EPB41L3: variants seen among roughly 807,000 people sequenced by gnomAD.
The protein encoded by EPB41L3 is band 4.1-like protein 3.
Under a neutral mutation model 127.1 loss-of-function variants are expected in EPB41L3, and 57 were observed. The observed-to-expected ratio is 0.45, with a 90% CI of 0.36 to 0.56. The LOEUF (loss-of-function observed/expected upper bound fraction) is 0.56. Ranked by LOEUF, EPB41L3 falls within the 20% of genes least tolerant of loss-of-function variation. The probability of loss-of-function intolerance (pLI) is 0.00; values close to 1 mark genes in which losing one functional copy is unlikely to be tolerated. For missense variants in EPB41L3, 1,273 were observed against 1,372.2 expected (o/e 0.93, Z 1.14); for synonymous variants, 572 against 549.5 (o/e 1.04, Z -0.57).
intron 12 of EPB41L3, among the ~76,000 whole-genome samples, chr18:5,417,814 A>T (rs959829564): frequency 6.6e-6 from 1 of 152,190 alleles, no homozygotes; most frequent in Non-Finnish European, 1.5e-5. Context: ...CACTTTAAAC[A>T]GGAACCTGCA....
intron 1 of EPB41L3, among the ~76,000 whole-genome samples, chr18:5,505,062 T>A (rs1206411126): frequency 6.6e-6 from 1 of 152,182 alleles, no homozygotes; most frequent in Non-Finnish European, 1.5e-5. Flanking sequence ...AACGGTCTCC[T>A]CCATCCAGTG....
intron 3 of EPB41L3, among the ~76,000 whole-genome samples, chr18:5,585,044 T>C (rs1239205740): frequency 2.0e-5 from 3 of 152,202 alleles, no homozygotes; most frequent in South Asian, 2.1e-4. Flanking sequence ...TCAGGAATTG[T>C]CTGATACTTT....
chr18:5,403,472 T>C (rs1427578947), intron 16 of EPB41L3, among the ~76,000 whole-genome samples: 1 of 151,608 alleles, frequency 6.6e-6, no homozygotes, highest in Admixed American at 6.6e-5. Flanking sequence ...TTTATAGAAA[T>C]AATTATTATA....
At chr18:5,604,081 A>G (rs1487423795) in intron 3 of EPB41L3, among the ~76,000 whole-genome samples, 4 of 152,098 alleles carry the variant, frequency 2.6e-5, no homozygotes, top group Non-Finnish European at 5.9e-5. Flanking sequence ...ACACATACAC[A>G]TAAATACACA....
At chr18:5,544,046 C>G (rs1254953255), upstream of EPB41L3, 15 of 985,466 alleles carry the variant, frequency 1.5e-5, no homozygotes, top group Non-Finnish European at 1.8e-5. Flanking sequence ...GCTGTTCCCC[C>G]CGCCCCCTGT....
At chr18:5,523,551 G>C (rs1366147076) in intron 1 of EPB41L3, among the ~76,000 whole-genome samples, 2 of 151,982 alleles carry the variant, frequency 1.3e-5, no homozygotes, top group Non-Finnish European at 2.9e-5. Flanking sequence ...GTTATCCCAG[G>C]ACTTTGGGAA....
intron 10 of EPB41L3, 103 bp from the exon 11 acceptor site, chr18:5,423,656 C>T: frequency 9.8e-7 from 1 of 1,015,956 alleles, no homozygotes; most frequent in Non-Finnish European, 1.4e-6. Context: ...GCATGCTAAA[C>T]ATTTAACGCA....
At chr18:5,620,403 G>C (rs1045257485) in intron 1 of EPB41L3, among the ~76,000 whole-genome samples, 4 of 152,162 alleles carry the variant, frequency 2.6e-5, no homozygotes, top group Non-Finnish European at 5.9e-5. Context: ...ATCTATTAAA[G>C]TACCAGACAC....
At chr18:5,572,774 A>G (rs2094297057) in intron 3 of EPB41L3, among the ~76,000 whole-genome samples, 1 of 152,002 alleles carries the variant, frequency 6.6e-6, no homozygotes, top group Non-Finnish European at 1.5e-5. Flanking sequence ...GGGTCTTGCT[A>G]TGTTGCCCAG....
At chr18:5,510,923 AG>A (rs1442063167) in intron 1 of EPB41L3, among the ~76,000 whole-genome samples, 1 of 152,176 alleles carries the variant, frequency 6.6e-6, no homozygotes, top group African/African-American at 2.4e-5. Flanking sequence ...GGAATAAAGG[AG>A]GAATAAAAAT....
At chr18:5,450,049 G>A (rs2082073804) in intron 3 of EPB41L3, among the ~76,000 whole-genome samples, 1 of 152,090 alleles carries the variant, frequency 6.6e-6, no homozygotes, top group African/African-American at 2.4e-5. Context: ...GTGAAACCGT[G>A]GAAAACAGAA....
intron 2 of EPB41L3, among the ~76,000 whole-genome samples, chr18:5,614,040 C>A (rs2094762391): frequency 6.6e-6 from 1 of 152,102 alleles, no homozygotes; most frequent in Non-Finnish European, 1.5e-5. Flanking sequence ...AACTAATAAT[C>A]TAGAACACAC....
At chr18:5,475,039 A>G (rs1568339105) in intron 3 of EPB41L3, among the ~76,000 whole-genome samples, 1 of 152,068 alleles carries the variant, frequency 6.6e-6, no homozygotes, top group Non-Finnish European at 1.5e-5. Flanking sequence ...TTCAGTCTCC[A>G]CCTTTCCAAT....
rs75072757 is a variant in EPB41L3, at chr18:5,482,307, C to A, written c.184-3869G>T. On this transcript the variant is annotated intron_variant, in intron 2 of 22. Transcript: ENST00000341928. ...CTCAAAGACCAGCTATTTGAAAAGA[C>A]ACAGAGAAAAAAGAAAAATGAACAA... Among the ~76,000 whole-genome samples the A allele has an allele frequency of 8.6e-3, 1,301 of 152,038 alleles. 16 individuals are homozygous for A. The highest frequency in any genetic ancestry group is 0.028 in the African/African-American group (1,167 of 41,460).
intron 6 of EPB41L3, among the ~76,000 whole-genome samples, chr18:5,436,120 C>A (rs1395481843): frequency 6.6e-6 from 1 of 150,606 alleles, no homozygotes; most frequent in Non-Finnish European, 1.5e-5. Context: ...CTGCCAAAGA[C>A]CCCAAGGTAA....
chr18:5,470,344 C>A (rs967573860), intron 3 of EPB41L3, among the ~76,000 whole-genome samples: 7 of 152,152 alleles, frequency 4.6e-5, no homozygotes, highest in African/African-American at 1.7e-4. Flanking sequence ...GTAACAAGCG[C>A]CCAAGCAAAA....
intron 3 of EPB41L3, among the ~76,000 whole-genome samples, chr18:5,550,914 A>G (rs1004410315): frequency 1.3e-5 from 2 of 152,150 alleles, no homozygotes; most frequent in Admixed American, 1.3e-4. Flanking sequence ...CTTTTTCTCC[A>G]TAAATCTCAT....
At chr18:5,588,465 T>C in intron 3 of EPB41L3, among the ~76,000 whole-genome samples, 1 of 151,984 alleles carries the variant, frequency 6.6e-6, no homozygotes, top group East Asian at 1.9e-4. Context: ...TTTAAAAATA[T>C]TTTAAATGTC....
intron 1 of EPB41L3, among the ~76,000 whole-genome samples, chr18:5,620,499 T>C (rs570128016): frequency 6.6e-6 from 1 of 152,360 alleles, no homozygotes; most frequent in East Asian, 1.9e-4. Flanking sequence ...TTACTCACTG[T>C]TGCATTACCT....
Sources: gnomAD v4.1 joint callset for allele counts (sites outside exome capture counted in the v4.1 genomes callset) on GRCh38, gnomAD v4.1.1 for gene constraint, MANE v1.5 for transcripts, NCBI Gene and HGNC (gene_info 2026-07-23, HGNC 2026-07-21) for gene names.